Variants in ITGA2 observed in about 807,000 individuals in gnomAD.
The protein encoded by ITGA2 is integrin alpha-2.
In ITGA2, 101 loss-of-function variants were observed where a neutral mutation model predicts 146.3. The observed-to-expected ratio is 0.69, with a 90% CI of 0.59 to 0.81. The LOEUF (loss-of-function observed/expected upper bound fraction) is 0.81. Among genes scored for constraint, ITGA2 ranks in the 40% least tolerant of loss-of-function variants. The pLI is 0.00. For synonymous variants in ITGA2, 477 were observed against 487.1 expected (o/e 0.98, Z 0.27); for missense variants, 1,281 against 1,402.7 (o/e 0.91, Z 1.39).
In ITGA2 at chr5:53,092,997, C is replaced by T. The variant is rs1225632060; in HGVS notation, c.*2398C>T. The T allele has an allele frequency of 2.0e-5, 3 of 152,168 alleles. No homozygotes were observed. The highest frequency in any genetic ancestry group is 2.9e-5 in the Non-Finnish European group (2 of 68,170). 9.4% of individuals were successfully genotyped at this position (152,168 alleles called of 1,614,324 possible). ...GCAGGTGCCTGTAATCCCAGTTACT[C>T]GGGAAGCTGAGGCAGGAGAATCACT... On this transcript the variant is annotated 3_prime_UTR_variant, in exon 30 of 30. Coordinates refer to ENST00000296585, the MANE Select transcript of ITGA2 (RefSeq NM_002203.4).
At chr5:52,992,318 G>C (rs549827853) in intron 1 of ITGA2, among the ~76,000 whole-genome samples, 2 of 152,022 alleles carry the variant, frequency 1.3e-5, no homozygotes, top group Non-Finnish European at 2.9e-5. Context: ...TCATTCTGCA[G>C]ATTGTCTCTG....
chr5:53,027,579 T>C (rs1743012695), intron 2 of ITGA2, among the ~76,000 whole-genome samples: 1 of 152,158 alleles, frequency 6.6e-6, no homozygotes, highest in Admixed American at 6.5e-5. Context: ...AATTTGAAAG[T>C]TGTATTTGGG....
chr5:52,996,172 C>A (rs1195979649), intron 1 of ITGA2, among the ~76,000 whole-genome samples: 1 of 152,054 alleles, frequency 6.6e-6, no homozygotes, highest in Admixed American at 6.6e-5. Flanking sequence ...GGAGCAGCTG[C>A]CTTTAAGCAA....
chr5:53,087,624 T>TTAA (rs1554025070), intron 28 of ITGA2, among the ~76,000 whole-genome samples: 2 of 118,134 alleles, frequency 1.7e-5, no homozygotes, highest in Admixed American at 1.7e-4. Context: ...GTCCCCTTGA[T>TTAA]AAAAAAAAAA....
intron 7 of ITGA2, 48 bp downstream of exon 7, chr5:53,051,607 A>T (rs1438415139): frequency 6.5e-7 from 1 of 1,536,124 alleles, no homozygotes; most frequent in Non-Finnish European, 9.0e-7. Flanking sequence ...GTAAAACATT[A>T]TATTTATGTA....
intron 2 of ITGA2, among the ~76,000 whole-genome samples, chr5:53,038,530 C>T (rs958555443): frequency 1.3e-5 from 2 of 152,138 alleles, no homozygotes; most frequent in African/African-American, 4.8e-5. Flanking sequence ...CAGCCACACA[C>T]CCCTTCACAT....
At chr5:53,083,509 A>G in intron 27 of ITGA2, 56 bp downstream of exon 27, 2 of 1,063,822 alleles carry the variant, frequency 1.9e-6, no homozygotes, top group Non-Finnish European at 2.9e-6. Flanking sequence ...ATAAGTCTGC[A>G]CTGACAAGTT....
chr5:53,011,125 T>G (rs1325799519), intron 1 of ITGA2, among the ~76,000 whole-genome samples: 1 of 152,186 alleles, frequency 6.6e-6, no homozygotes, highest in Non-Finnish European at 1.5e-5. Flanking sequence ...TGTGAGAGAA[T>G]AAACTTCTGC....
chr5:52,998,746 C>G (rs909295154), intron 1 of ITGA2, among the ~76,000 whole-genome samples: 2 of 152,130 alleles, frequency 1.3e-5, no homozygotes, highest in African/African-American at 2.4e-5. Context: ...GCTGAGAAGA[C>G]AGGCCCATAT....
At chr5:53,066,202 A>C (rs541092746) in intron 15 of ITGA2, among the ~76,000 whole-genome samples, 27 of 151,914 alleles carry the variant, frequency 1.8e-4, no homozygotes, top group Non-Finnish European at 2.9e-4. Flanking sequence ...ATGGTGAGTA[A>C]AACAGTACAT....
In ITGA2 at chr5:53,090,959, AG is replaced by A; in HGVS notation, c.*365del. 2 of 522,982 alleles carry A rather than the reference AG, an allele frequency of 3.8e-6. No homozygotes were observed. The highest frequency in any genetic ancestry group is 6.7e-6 in the Non-Finnish European group (2 of 297,228). The allele number at this position is 522,982 out of a possible 1,614,324, so 32.4% of individuals were successfully genotyped here. On this transcript the variant is annotated 3_prime_UTR_variant, in exon 30 of 30. Coordinates refer to ENST00000296585, the MANE Select transcript of ITGA2 (RefSeq NM_002203.4). ...AAAAATATGATACTCTCAGATTTTA[AG>A]GGGGAAAACTGTTCTCTTTAAAATA...
At chr5:53,003,035 G>A (rs1741664881) in intron 1 of ITGA2, among the ~76,000 whole-genome samples, 1 of 152,090 alleles carries the variant, frequency 6.6e-6, no homozygotes, top group Admixed American at 6.6e-5. Context: ...TTATTCTTAT[G>A]ATAACCAGCC....
At chr5:53,077,935 C>T (rs944375533) in intron 23 of ITGA2, among the ~76,000 whole-genome samples, 2 of 152,012 alleles carry the variant, frequency 1.3e-5, no homozygotes, top group Non-Finnish European at 2.9e-5. Context: ...TCTCAGACCC[C>T]TACCCTCACT....
chr5:53,086,455 T>A (rs563213949), intron 27 of ITGA2, among the ~76,000 whole-genome samples: 1 of 152,304 alleles, frequency 6.6e-6, no homozygotes, highest in African/African-American at 2.4e-5. Context: ...TTTACACACA[T>A]GTACCCAGAA....
chr5:53,083,342 C>A lies in ITGA2; in HGVS notation c.3147C>A (p.Asn1049Lys). The change falls in exon 27 of 30, where the codon AAC becomes AAA. Residue 1049 changes from asparagine (N) to lysine (K), a missense_variant and splice_region_variant. Physicochemically the swap from Asn to Lys is moderately conservative, Grantham distance 94. This residue lies in a region of ITGA2 where 475 missense variants were observed against 530.5 expected (regional missense o/e 0.90). Coordinates refer to ENST00000296585, the MANE Select transcript of ITGA2 (RefSeq NM_002203.4). Reference sequence around the variant, plus strand: ...TACCTTTGACTCAATACTATAAGAACTGCAGAACTGCTTCCTGTAGTAATG... The same window carrying A: ...TACCTTTGACTCAATACTATAAGAAATGCAGAACTGCTTCCTGTAGTAATG... The part of the protein sequence containing the change: ...SENFRHTKEL[N>K]CRTASCSNVT... The A allele has an allele frequency of 6.3e-7, 1 of 1,589,788 alleles. No individual in the cohort carries two copies. The highest frequency in any genetic ancestry group is 8.6e-7 in the Non-Finnish European group (1 of 1,158,012).
intron 2 of ITGA2, among the ~76,000 whole-genome samples, chr5:53,032,173 T>TA (rs141864928): frequency 3.3e-5 from 5 of 151,724 alleles, no homozygotes; most frequent in East Asian, 3.9e-4. Flanking sequence ...AAAATAAAAA[T>TA]AAAAAAAATC....
At chr5:53,015,011 GTCTA>G (rs1323044126) in intron 1 of ITGA2, among the ~76,000 whole-genome samples, 1 of 151,836 alleles carries the variant, frequency 6.6e-6, no homozygotes, top group East Asian at 1.9e-4. Flanking sequence ...CTAGCTAGCA[GTCTA>G]TCTATCTTGT....
At chr5:53,034,406 TC>T (rs1167908085) in intron 2 of ITGA2, among the ~76,000 whole-genome samples, 1 of 119,290 alleles carries the variant, frequency 8.4e-6, no homozygotes, top group East Asian at 2.3e-4. Flanking sequence ...AGACTCCAAC[TC>T]AAAAAAAAAA....
rs1460646298 is a variant in ITGA2 at position 53,094,116 on chromosome 5, ACAT to A, written c.*3524_*3526del. The A allele has an allele frequency of 1.3e-5, 2 of 152,486 alleles. No homozygotes were observed. The highest frequency in any genetic ancestry group is 1.9e-4 in the East Asian group (1 of 5,204). 9.4% of individuals were successfully genotyped at this position (152,486 alleles called of 1,614,324 possible). ...ATATATGAAAATCTCAAAAATTAAG[ACAT>A]CATCATACAGAAGGCAGGATTCCTT... On this transcript the variant is annotated 3_prime_UTR_variant, in exon 30 of 30. Transcript: ENST00000296585.
Sources: allele counts gnomAD v4.1 joint callset (sites outside exome capture counted in the v4.1 genomes callset), GRCh38; gene constraint gnomAD v4.1.1; regional missense constraint gnomAD v4.1.1; transcripts MANE v1.5; gene names NCBI Gene and HGNC (gene_info 2026-07-23, HGNC 2026-07-21).